The following FSHR variants were observed in gnomAD, a reference collection of about 807,000 sequenced individuals.
FSHR encodes the protein follicle-stimulating hormone receptor.
A neutral mutation model predicts 52.1 loss-of-function variants in FSHR; 46 were observed. That is an observed-to-expected ratio of 0.88 (90% CI 0.70 to 1.13). The LOEUF (loss-of-function observed/expected upper bound fraction) is 1.13. Among genes scored for constraint, FSHR ranks in the 50% most tolerant of loss-of-function variants. FSHR has a pLI of 0.00. For missense variants in FSHR, 964 were observed against 834.6 expected, an observed-to-expected ratio of 1.16 and a Z score of -1.91; for synonymous variants, 399 against 309.6, an observed-to-expected ratio of 1.29 and a Z score of -3.03.
chr2:49,069,145 C>T (rs1468649910), intron 1 of FSHR, among the ~76,000 whole-genome samples: 1 of 152,124 alleles, frequency 6.6e-6, no homozygotes, highest in African/African-American at 2.4e-5. Context: ...CAAAGGCCTT[C>T]AGTGCCCTAC....
intron 1 of FSHR, among the ~76,000 whole-genome samples, chr2:49,099,430 T>C (rs1670945875): frequency 6.6e-6 from 1 of 152,142 alleles, no homozygotes; most frequent in South Asian, 2.1e-4. Flanking sequence ...CCATTAAACC[T>C]CTTTTTCTTT....
chr2:49,089,631 C>A (rs1558435299), intron 1 of FSHR, among the ~76,000 whole-genome samples: 1 of 152,146 alleles, frequency 6.6e-6, no homozygotes, highest in Non-Finnish European at 1.5e-5. Context: ...ATAATAGGAT[C>A]AAAACCTTGC....
At chr2:49,011,494 A>G (rs369635694) in intron 4 of FSHR, among the ~76,000 whole-genome samples, 1 of 152,134 alleles carries the variant, frequency 6.6e-6, no homozygotes, top group African/African-American at 2.4e-5. Flanking sequence ...GCTGAAAAAA[A>G]TATATATTCT....
intron 1 of FSHR, among the ~76,000 whole-genome samples, chr2:49,131,871 A>G (rs888952986): frequency 6.6e-5 from 10 of 152,218 alleles, no homozygotes; most frequent in Admixed American, 1.3e-4. Flanking sequence ...TACCCAGCAC[A>G]TGCCTCACCC....
intron 1 of FSHR, among the ~76,000 whole-genome samples, chr2:49,115,882 T>C (rs1303958201): frequency 1.3e-5 from 2 of 152,126 alleles, no homozygotes; most frequent in Admixed American, 6.6e-5. Flanking sequence ...TGGTGTGATA[T>C]GTGCATGACA....
intron 4 of FSHR, among the ~76,000 whole-genome samples, chr2:48,994,240 C>T (rs1451176064): frequency 1.3e-5 from 2 of 152,184 alleles, no homozygotes; most frequent in Non-Finnish European, 2.9e-5. Context: ...ACTTCCCCAT[C>T]TCTCTTAGTG....
intron 2 of FSHR, among the ~76,000 whole-genome samples, chr2:49,044,787 C>T (rs1668597971): frequency 6.6e-6 from 1 of 152,146 alleles, no homozygotes; most frequent in South Asian, 2.1e-4. Context: ...TGACTTTTGC[C>T]CACCTCAGAC....
At chr2:49,006,304 C>A (rs553070498) in intron 4 of FSHR, among the ~76,000 whole-genome samples, 1 of 152,228 alleles carries the variant, frequency 6.6e-6, no homozygotes, top group Non-Finnish European at 1.5e-5. Context: ...CAGTCCAAGT[C>A]ATTCTCATTA....
At chr2:49,110,853 C>G (rs933230356) in intron 1 of FSHR, among the ~76,000 whole-genome samples, 1 of 152,080 alleles carries the variant, frequency 6.6e-6, no homozygotes. Context: ...GTCACCCAGA[C>G]AAATAGAGAT....
chr2:48,963,981 A>G lies in FSHR; in HGVS notation c.855-15T>C. ...GAAGCTCAGAGCTAGAAAAATACAA[A>G]AAGAAATAGAATCAACATCTCAGAT... On this transcript the variant is annotated splice_polypyrimidine_tract_variant and intron_variant, in intron 9 of 9. Transcript: ENST00000406846. 1 of 1,608,730 alleles carries G rather than the reference A, an allele frequency of 6.2e-7. No individual in the cohort carries two copies. Among genetic ancestry groups the G allele is most frequent in the South Asian group, 1.1e-5 (1 of 90,856 alleles).
Position 49,154,381 on chromosome 2 carries a change from T to A in FSHR, c.37A>T (p.Ser13Cys), listed in dbSNP as rs1476467611. The A allele has an allele frequency of 1.2e-6, 2 of 1,613,140 alleles. No homozygotes were observed. The highest frequency in any genetic ancestry group is 2.2e-5 in the South Asian group (2 of 91,032). The stretch of plus-strand genomic sequence containing the variant: ...CGATGATGACATCCTGAGCCCAAGC[T>A]CAGGAATGCCAGCAAAGAGACCAGG... Reference protein sequence around the residue: ...LLLVSLLAFLSLGSGCHHRIC... With the variant: ...LLLVSLLAFLCLGSGCHHRIC... Residue 13 changes from serine to cysteine, a missense_variant, in exon 1 of 10, where the codon AGC becomes TGC. Coordinates refer to ENST00000406846, the MANE Select transcript of FSHR (RefSeq NM_000145.4).
At chr2:49,024,707 T>C (rs985117099) in intron 2 of FSHR, among the ~76,000 whole-genome samples, 7 of 152,314 alleles carry the variant, frequency 4.6e-5, no homozygotes, top group Admixed American at 3.3e-4. Flanking sequence ...TGCCTTTCTC[T>C]TCACAGAGCA....
intron 6 of FSHR, among the ~76,000 whole-genome samples, chr2:48,986,904 C>T (rs1210619808): frequency 2.0e-5 from 3 of 152,092 alleles, no homozygotes; most frequent in South Asian, 4.1e-4. Context: ...TGCAAAACTA[C>T]AAGAATGATA....
At chr2:49,113,629 C>T (rs2103759685) in intron 1 of FSHR, among the ~76,000 whole-genome samples, 1 of 152,166 alleles carries the variant, frequency 6.6e-6, no homozygotes, top group South Asian at 2.1e-4. Flanking sequence ...ACAACATTTT[C>T]TTCATTTTTT....
chr2:49,153,042 C>T (rs1673119394), intron 1 of FSHR, among the ~76,000 whole-genome samples: 2 of 152,204 alleles, frequency 1.3e-5, no homozygotes, highest in African/African-American at 4.8e-5. Flanking sequence ...TTTTCCCTGC[C>T]TCTGCAGCTG....
chr2:49,113,272 C>A (rs1364962146), intron 1 of FSHR, among the ~76,000 whole-genome samples: 1 of 152,188 alleles, frequency 6.6e-6, no homozygotes, highest in Non-Finnish European at 1.5e-5. Context: ...ATCGCCAAAA[C>A]AGGGATTGGA....
intron 6 of FSHR, among the ~76,000 whole-genome samples, chr2:48,984,586 A>ATTT (rs141416405): frequency 8.8e-5 from 9 of 101,746 alleles, no homozygotes; most frequent in African/African-American, 2.4e-4. Context: ...ATAATTGGGT[A>ATTT]TTTTTTTTTT....
At chr2:49,118,336 A>G (rs951127341) in intron 1 of FSHR, among the ~76,000 whole-genome samples, 1 of 152,018 alleles carries the variant, frequency 6.6e-6, no homozygotes, top group Non-Finnish European at 1.5e-5. Context: ...CAAAGGGGAG[A>G]AAAGATGCTT....
rs201614520 is a variant in FSHR, at chr2:49,112,762, T to C, written c.152+41504A>G. Among the ~76,000 whole-genome samples the C allele has an allele frequency of 3.3e-5, 5 of 152,332 alleles. No individual in the cohort carries two copies. The East Asian group carries it at 9.7e-4, about 29-fold the overall frequency. ...AAGTAACAAAGACAGTAAGACCATCTTGCCCCTATAAACTTTTGTGAACAA... is the reference window on the plus strand; with the variant it reads ...AAGTAACAAAGACAGTAAGACCATCCTGCCCCTATAAACTTTTGTGAACAA... On this transcript the variant is annotated intron_variant, in intron 1 of 9. Coordinates refer to ENST00000406846, the MANE Select transcript of FSHR (RefSeq NM_000145.4).
Sources: gnomAD v4.1 joint callset for allele counts (sites outside exome capture counted in the v4.1 genomes callset) on GRCh38, gnomAD v4.1.1 for gene constraint, MANE v1.5 for transcripts, NCBI Gene and HGNC (gene_info 2026-07-23, HGNC 2026-07-21) for gene names.